Variants in AGPS observed in about 807,000 individuals in gnomAD.
AGPS encodes the protein alkyldihydroxyacetonephosphate synthase, peroxisomal.
Under a neutral mutation model 90.7 loss-of-function variants are expected in AGPS, and 26 were observed. The ratio of observed to expected loss-of-function variants is 0.29; its 90% confidence interval spans 0.21 to 0.40. The LOEUF (loss-of-function observed/expected upper bound fraction) is 0.40. Among genes scored for constraint, AGPS ranks in the 10% least tolerant of loss-of-function variants. AGPS has a pLI of 1.00. For synonymous variants in AGPS, 294 were observed against 285.3 expected (o/e 1.03, Z -0.31); for missense variants, 540 against 816.1 (o/e 0.66, Z 4.12).
chr2:177,492,823 T>G (rs1393631096), intron 11 of AGPS, among the ~76,000 whole-genome samples: 2 of 152,208 alleles, frequency 1.3e-5, no homozygotes, highest in Admixed American at 6.5e-5. Flanking sequence ...TAATCCACTT[T>G]GGGGTCTGGT....
At chr2:177,500,609 G>T (rs1000863456) in intron 14 of AGPS, among the ~76,000 whole-genome samples, 2 of 151,694 alleles carry the variant, frequency 1.3e-5, no homozygotes, top group African/African-American at 4.8e-5. Flanking sequence ...TGAATTTAGT[G>T]TTAACGTGCA....
At chr2:177,468,805 A>T (rs573634808) in intron 10 of AGPS, among the ~76,000 whole-genome samples, 1 of 152,184 alleles carries the variant, frequency 6.6e-6, no homozygotes, top group Admixed American at 6.5e-5. Context: ...ATTAGGATTT[A>T]AAATGGTTTA....
At chr2:177,469,659 C>T (rs1414013002) in intron 10 of AGPS, among the ~76,000 whole-genome samples, 1 of 152,124 alleles carries the variant, frequency 6.6e-6, no homozygotes, top group Non-Finnish European at 1.5e-5. Context: ...TCTGGGACTT[C>T]TTATACTAAT....
chr2:177,460,280 G>A (rs925790614), intron 8 of AGPS, among the ~76,000 whole-genome samples: 1 of 152,002 alleles, frequency 6.6e-6, no homozygotes, highest in East Asian at 1.9e-4. Context: ...AAAACTGCAC[G>A]TTCTGCACAT....
At chr2:177,441,125 A>T in intron 6 of AGPS, 89 bp downstream of exon 6, 2 of 1,113,892 alleles carry the variant, frequency 1.8e-6, no homozygotes, top group Non-Finnish European at 2.7e-6. Context: ...CCTACTGAAA[A>T]CAAACATTAT....
At chr2:177,474,864 A>G (rs1178275649) in intron 10 of AGPS, among the ~76,000 whole-genome samples, 2 of 152,314 alleles carry the variant, frequency 1.3e-5, no homozygotes, top group Non-Finnish European at 2.9e-5. Flanking sequence ...TTTAGATTAC[A>G]ATGCTGTGAT....
chr2:177,468,287 G>A, intron 9 of AGPS, 129 bp from the exon 10 acceptor site: 2 of 538,758 alleles, frequency 3.7e-6, no homozygotes, highest in Admixed American at 3.2e-5. Flanking sequence ...ATTCTTAAAA[G>A]CATCACAATT....
At chr2:177,516,388 A>G (rs13023655) in intron 17 of AGPS, among the ~76,000 whole-genome samples, 4 of 151,698 alleles carry the variant, frequency 2.6e-5, no homozygotes, top group Non-Finnish European at 4.4e-5. Context: ...GCACAAAAAA[A>G]TTTTTTTAAT....
chr2:177,406,314 A>G (rs1685465798), intron 1 of AGPS, among the ~76,000 whole-genome samples: 1 of 152,228 alleles, frequency 6.6e-6, no homozygotes, highest in Non-Finnish European at 1.5e-5. Context: ...GTGCTGTGCT[A>G]CATTCTAACA....
rs1020008856 is a variant in AGPS at position 177,410,461 on chromosome 2, A to G, written c.261-9808A>G. On this transcript the variant is annotated intron_variant, in intron 1 of 19. Coordinates refer to ENST00000264167, the MANE Select transcript of AGPS (RefSeq NM_003659.4). ...GTAAGCATGCCTAGAGTCTGTGTAT[A>G]TATTTACCCTTTTTCCTTCTCCTAA... Among the ~76,000 whole-genome samples, 3 of 152,278 alleles carry G rather than the reference A, an allele frequency of 2.0e-5. No homozygotes were observed. In the East Asian group the frequency reaches 5.8e-4, roughly 29 times the overall value.
intron 2 of AGPS, among the ~76,000 whole-genome samples, chr2:177,424,747 G>A (rs1368204802): frequency 2.0e-5 from 3 of 152,142 alleles, no homozygotes; most frequent in African/African-American, 7.2e-5. Flanking sequence ...ACTGGCATCT[G>A]TTGTTTCTGG....
intron 1 of AGPS, among the ~76,000 whole-genome samples, chr2:177,412,021 G>A (rs555337153): frequency 1.1e-4 from 16 of 152,300 alleles, no homozygotes; most frequent in African/African-American, 3.8e-4. Context: ...AGAGCTGTGT[G>A]GCTAAATTGG....
chr2:177,448,914 A>G (rs982145704), intron 8 of AGPS, among the ~76,000 whole-genome samples: 1 of 152,146 alleles, frequency 6.6e-6, no homozygotes, highest in Non-Finnish European at 1.5e-5. Context: ...ATTCCCTACA[A>G]TTTTAATAAA....
At chr2:177,459,630 G>C (rs968768086) in intron 8 of AGPS, among the ~76,000 whole-genome samples, 1 of 152,110 alleles carries the variant, frequency 6.6e-6, no homozygotes, top group African/African-American at 2.4e-5. Flanking sequence ...ACCATTTCAC[G>C]CCAGTTAGAA....
chr2:177,437,507 A>G (rs957817922), intron 5 of AGPS, among the ~76,000 whole-genome samples: 7 of 152,286 alleles, frequency 4.6e-5, no homozygotes, highest in Admixed American at 2.0e-4. Flanking sequence ...TTTAAAATGA[A>G]TAATTAAATT....
chr2:177,440,410 A>G (rs1040742065), intron 5 of AGPS, among the ~76,000 whole-genome samples: 6 of 152,112 alleles, frequency 3.9e-5, no homozygotes, highest in African/African-American at 1.4e-4. Context: ...AAAATATATA[A>G]CCTGAACTTA....
At chr2:177,469,065 A>G (rs1355164583) in intron 10 of AGPS, among the ~76,000 whole-genome samples, 3 of 152,124 alleles carry the variant, frequency 2.0e-5, no homozygotes, top group Admixed American at 1.3e-4. Context: ...AATGTAGTTC[A>G]TCTCGTCTAA....
At chr2:177,407,774 A>G (rs1051458083) in intron 1 of AGPS, among the ~76,000 whole-genome samples, 1 of 150,548 alleles carries the variant, frequency 6.6e-6, no homozygotes, top group Non-Finnish European at 1.5e-5. Flanking sequence ...TGACATTTTA[A>G]TAGAGAAAAC....
At chr2:177,411,919 G>A (rs1373607285) in intron 1 of AGPS, among the ~76,000 whole-genome samples, 1 of 152,114 alleles carries the variant, frequency 6.6e-6, no homozygotes, top group Admixed American at 6.5e-5. Flanking sequence ...GGGGAGGAGA[G>A]CATCTTACAC....
Sources: gnomAD v4.1 joint callset for allele counts (sites outside exome capture counted in the v4.1 genomes callset) on GRCh38, gnomAD v4.1.1 for gene constraint, MANE v1.5 for transcripts, NCBI Gene and HGNC (gene_info 2026-07-23, HGNC 2026-07-21) for gene names.